Variants in AOPEP observed in about 807,000 individuals in gnomAD.
The protein encoded by AOPEP is aminopeptidase O.
Under a neutral mutation model 98.1 loss-of-function variants are expected in AOPEP, and 77 were observed. The ratio of observed to expected loss-of-function variants is 0.78; its 90% CI spans 0.65 to 0.95. The LOEUF is 0.95. Ranked by LOEUF, AOPEP falls within the 40% of genes least tolerant of loss-of-function variation. The probability of loss-of-function intolerance (pLI) is 0.00; values close to 1 mark genes in which losing one functional copy is unlikely to be tolerated. For synonymous variants in AOPEP, 346 were observed against 365.3 expected, an observed-to-expected ratio of 0.95 and a Z score of 0.60; for missense variants, 1,024 against 1,024.7, an observed-to-expected ratio of 1.00 and a Z score of 0.01.
chr9:95,046,667 G>T (rs1347813724), intron 13 of AOPEP, among the ~76,000 whole-genome samples: 1 of 152,170 alleles, frequency 6.6e-6, no homozygotes, highest in Non-Finnish European at 1.5e-5. Context: ...GGAAGGATAA[G>T]TTTTTTGGGA....
chr9:95,067,007 C>G (rs542244794), intron 14 of AOPEP, among the ~76,000 whole-genome samples: 1 of 152,288 alleles, frequency 6.6e-6, no homozygotes, highest in African/African-American at 2.4e-5. Flanking sequence ...TAAACTTAGC[C>G]ATATTCCCAT....
chr9:94,936,411 A>G (rs538204873), intron 7 of AOPEP, among the ~76,000 whole-genome samples: 1 of 152,180 alleles, frequency 6.6e-6, no homozygotes, highest in African/African-American at 2.4e-5. Flanking sequence ...GCCAACATAA[A>G]TTTATCTTCC....
chr9:94,875,996 A>G (rs1047470662), intron 5 of AOPEP, among the ~76,000 whole-genome samples: 5 of 152,260 alleles, frequency 3.3e-5, no homozygotes, highest in Non-Finnish European at 7.3e-5. Flanking sequence ...ATGACTTCCA[A>G]GAGGATGATA....
At chr9:94,985,036 A>G (rs948987422) in intron 11 of AOPEP, among the ~76,000 whole-genome samples, 20 of 152,374 alleles carry the variant, frequency 1.3e-4, no homozygotes, top group African/African-American at 4.8e-4. Flanking sequence ...GGTGTGAACC[A>G]CAAGCACACC....
intron 5 of AOPEP, among the ~76,000 whole-genome samples, chr9:94,877,778 A>G (rs1486246409): frequency 6.6e-6 from 1 of 152,154 alleles, no homozygotes; most frequent in East Asian, 1.9e-4. Context: ...CCATATAGCT[A>G]ATTCCCAGGT....
At chr9:94,961,027 A>G (rs1365472020) in intron 9 of AOPEP, among the ~76,000 whole-genome samples, 2 of 151,854 alleles carry the variant, frequency 1.3e-5, no homozygotes, top group Non-Finnish European at 2.9e-5. Flanking sequence ...AAAAAAAAAA[A>G]AAGAATGCTT....
intron 13 of AOPEP, among the ~76,000 whole-genome samples, chr9:95,058,835 A>AT (rs1430657084): frequency 6.6e-6 from 1 of 152,192 alleles, no homozygotes; most frequent in African/African-American, 2.4e-5. Context: ...ACTTGAGGCC[A>AT]TGGGTTGAAG....
chr9:95,091,689 G>C (rs1470372710), downstream of AOPEP, among the ~76,000 whole-genome samples: 4 of 152,128 alleles, frequency 2.6e-5, no homozygotes, highest in African/African-American at 7.2e-5. Context: ...TCAGTGGCAG[G>C]GTTTTATAGA....
chr9:94,901,013 A>G (rs2050321940), intron 5 of AOPEP: 1 of 152,170 alleles, frequency 6.6e-6, no homozygotes, highest in South Asian at 2.1e-4. Flanking sequence ...GGCCATTCCA[A>G]TATTCCTTCC....
intron 5 of AOPEP, among the ~76,000 whole-genome samples, chr9:94,895,239 T>TAAAA (rs60422899): frequency 8.6e-6 from 1 of 116,172 alleles, no homozygotes. Flanking sequence ...TAAAATAAAA[T>TAAAA]AAAAAAAAAA....
rs114056253 is a variant in AOPEP, at chr9:94,730,883, A to G, written c.-136+4132A>G. On this transcript the variant is annotated intron_variant, in intron 1 of 16. Coordinates refer to ENST00000375315, the MANE Select transcript of AOPEP (RefSeq NM_001193329.3). ...TTAATATAATTATACTATTTTATGT[A>G]CACTGAGAAATTTATATACTAAGTA... Among the ~76,000 whole-genome samples the G allele has an allele frequency of 2.6e-3, 390 of 152,346 alleles. 2 individuals carry two copies. The highest frequency in any genetic ancestry group is 9.0e-3 in the African/African-American group (375 of 41,580).
intron 5 of AOPEP, among the ~76,000 whole-genome samples, chr9:94,830,263 A>T (rs541212965): frequency 1.3e-5 from 2 of 152,244 alleles, no homozygotes; most frequent in Admixed American, 1.3e-4. Context: ...TCATCATTCA[A>T]CTTTCACTTA....
intron 5 of AOPEP, among the ~76,000 whole-genome samples, chr9:94,903,225 C>T (rs1414697461): frequency 1.3e-5 from 2 of 151,936 alleles, no homozygotes; most frequent in South Asian, 2.1e-4. Context: ...TCAAGTCATC[C>T]ACCTACCTCA....
downstream of AOPEP, among the ~76,000 whole-genome samples, chr9:95,089,310 G>A (rs991066726): frequency 5.3e-5 from 8 of 152,260 alleles, no homozygotes; most frequent in African/African-American, 1.9e-4. Context: ...CAAAGGGCGT[G>A]TGACAACTGA....
intron 11 of AOPEP, among the ~76,000 whole-genome samples, chr9:94,998,985 A>G (rs1198685642): frequency 6.6e-6 from 1 of 152,192 alleles, no homozygotes. Context: ...AGTTCTTTTC[A>G]TAGAATTTTA....
the AOPEP span, among the ~76,000 whole-genome samples, chr9:95,112,014 G>A: frequency 3.9e-5 from 6 of 152,236 alleles, no homozygotes; most frequent in Non-Finnish European, 8.8e-5. Context: ...TGGAGGGTAG[G>A]ACGCAGGCAG....
In AOPEP at chr9:94,941,639, A is replaced by G. The variant is rs1356194797; in HGVS notation, c.1661+13108A>G. ...TCAGCTCTCAGCTCTTTTAAACAGC[A>G]AAGATGACAGACATGTCCTGAATAA... On this transcript the variant is annotated intron_variant, in intron 7 of 16. Transcript: ENST00000375315. Among the ~76,000 whole-genome samples, 3 of 152,216 alleles carry G rather than the reference A, an allele frequency of 2.0e-5. No individual in the cohort carries two copies. In the South Asian group the frequency reaches 6.2e-4, roughly 32 times the overall value.
intron 7 of AOPEP, among the ~76,000 whole-genome samples, chr9:94,929,783 G>A (rs1406704932): frequency 6.6e-6 from 1 of 152,256 alleles, no homozygotes; most frequent in African/African-American, 2.4e-5. Context: ...CAGGTGGTGC[G>A]CAGCACTGTG....
chr9:94,989,457 G>A (rs1279069681), intron 11 of AOPEP, among the ~76,000 whole-genome samples: 1 of 151,750 alleles, frequency 6.6e-6, no homozygotes, highest in African/African-American at 2.4e-5. Flanking sequence ...GGATGGTCTC[G>A]ATCTCCTAAC....
Sources: gnomAD v4.1 joint callset for allele counts (sites outside exome capture counted in the v4.1 genomes callset) on GRCh38, gnomAD v4.1.1 for gene constraint, MANE v1.5 for transcripts, NCBI Gene and HGNC (gene_info 2026-07-23, HGNC 2026-07-21) for gene names.